Variants in TSHR observed in about 807,000 individuals in gnomAD.
TSHR encodes thyrotropin receptor.
TSHR carries 51 observed loss-of-function variants against 64.1 expected under a neutral mutation model. The ratio of observed to expected loss-of-function variants is 0.80; its 90% CI spans 0.64 to 1.01. The LOEUF is 1.01. TSHR is among the 50% of genes least tolerant of loss of function. The probability of loss-of-function intolerance (pLI) is 0.00; values close to 1 mark genes in which losing one functional copy is unlikely to be tolerated. For synonymous variants in TSHR, 361 were observed against 361.9 expected (o/e 1.00, Z 0.03); for missense variants, 877 against 942.8 (o/e 0.93, Z 0.91).
chr14:81,045,335 A>G (rs1211743742), intron 1 of TSHR, among the ~76,000 whole-genome samples: 1 of 152,200 alleles, frequency 6.6e-6, no homozygotes, highest in Non-Finnish European at 1.5e-5. Flanking sequence ...TTCTTTATAC[A>G]TTTGGTAGAA....
At chr14:80,965,084 C>G (rs1182761871) in intron 1 of TSHR, among the ~76,000 whole-genome samples, 1 of 152,166 alleles carries the variant, frequency 6.6e-6, no homozygotes, top group Admixed American at 6.5e-5. Context: ...CTTCCACAGC[C>G]CTTTGTATTT....
At chr14:81,115,403 T>C (rs1364227988) in intron 8 of TSHR, among the ~76,000 whole-genome samples, 1 of 144,158 alleles carries the variant, frequency 6.9e-6, no homozygotes, top group African/African-American at 2.7e-5. Flanking sequence ...CAGGAGCCGA[T>C]GTGATCAACT....
intron 8 of TSHR, among the ~76,000 whole-genome samples, chr14:81,134,825 A>T (rs1006813213): frequency 6.6e-6 from 1 of 152,214 alleles, no homozygotes; most frequent in Non-Finnish European, 1.5e-5. Flanking sequence ...GTGAAGAACA[A>T]AGGTCTTCAG....
intron 7 of TSHR, chr14:81,106,953 A>AG: frequency 6.6e-6 from 1 of 152,132 alleles, no homozygotes; most frequent in Non-Finnish European, 1.5e-5. Context: ...AAAAAAAAAA[A>AG]AAGAAGAAGA....
intron 1 of TSHR, among the ~76,000 whole-genome samples, chr14:81,011,613 A>G (rs183931474): frequency 3.9e-5 from 6 of 152,128 alleles, no homozygotes; most frequent in Admixed American, 3.9e-4. Flanking sequence ...GTTTTTTCAA[A>G]CCAGTTTTTA....
chr14:80,966,359 G>C (rs986076246), intron 1 of TSHR, among the ~76,000 whole-genome samples: 3 of 152,048 alleles, frequency 2.0e-5, no homozygotes, highest in African/African-American at 7.2e-5. Context: ...CAACACCCTT[G>C]GCAGTTATTT....
At chr14:81,033,795 C>A (rs534641314) in intron 1 of TSHR, among the ~76,000 whole-genome samples, 1 of 152,172 alleles carries the variant, frequency 6.6e-6, no homozygotes, top group South Asian at 2.1e-4. Flanking sequence ...ACTTAAAATT[C>A]TAATTTAGGT....
intron 1 of TSHR, among the ~76,000 whole-genome samples, chr14:81,034,190 T>C (rs1884506314): frequency 5.9e-5 from 9 of 152,378 alleles, no homozygotes; most frequent in Admixed American, 3.9e-4. Flanking sequence ...TGCTCTAGCC[T>C]TGGTCATCCA....
At chr14:81,132,382 A>G (rs1891283625) in intron 8 of TSHR, among the ~76,000 whole-genome samples, 1 of 152,238 alleles carries the variant, frequency 6.6e-6, no homozygotes, top group South Asian at 2.1e-4. Context: ...TCAAAAAATA[A>G]AAATAGTTCC....
intron 3 of TSHR, among the ~76,000 whole-genome samples, chr14:81,072,034 T>G (rs1216454974): frequency 6.6e-6 from 1 of 152,236 alleles, no homozygotes; most frequent in Non-Finnish European, 1.5e-5. Context: ...GAGCAAGAGA[T>G]GCCCAGTGAG....
rs184831253 is a variant in TSHR at position 81,074,586 on chromosome 14, T to C, written c.317+6258T>C. On this transcript the variant is annotated intron_variant, in intron 3 of 9. Coordinates refer to ENST00000298171, the MANE Select transcript of TSHR (RefSeq NM_000369.5). ...GTTCCTGGGATTCCTCAGTATAGAATTAAAGCCCTCTGATTTGTTTAGGAA... is the reference window on the plus strand; with the variant it reads ...GTTCCTGGGATTCCTCAGTATAGAACTAAAGCCCTCTGATTTGTTTAGGAA... 8.5e-5 allele frequency among the ~76,000 whole-genome samples: 13 copies of C among 152,304 alleles called. No homozygotes were observed. The East Asian group carries it at 2.3e-3, about 27-fold the overall frequency.
intron 8 of TSHR, chr14:81,108,755 A>C (rs1005944377): frequency 6.2e-7 from 1 of 1,608,776 alleles, no homozygotes. Flanking sequence ...TGTTTGAAAA[A>C]TTTTGAAATG....
chr14:81,026,360 A>G (rs1884052690), intron 1 of TSHR, among the ~76,000 whole-genome samples: 1 of 152,244 alleles, frequency 6.6e-6, no homozygotes, highest in Non-Finnish European at 1.5e-5. Flanking sequence ...GTGTGTGTAT[A>G]TGCACACGCA....
At chr14:80,975,118 C>T (rs985618086) in intron 1 of TSHR, among the ~76,000 whole-genome samples, 5 of 152,192 alleles carry the variant, frequency 3.3e-5, no homozygotes, top group African/African-American at 7.2e-5. Context: ...CATCATTGTT[C>T]AAATGTTCAT....
At chr14:81,039,914 A>G (rs552683957) in intron 1 of TSHR, among the ~76,000 whole-genome samples, 10 of 152,228 alleles carry the variant, frequency 6.6e-5, no homozygotes, top group South Asian at 2.1e-4. Context: ...TACAGATTCA[A>G]TGAAATCCTT....
At chr14:80,959,274 G>C (rs187083658) in intron 1 of TSHR, among the ~76,000 whole-genome samples, 1 of 152,142 alleles carries the variant, frequency 6.6e-6, no homozygotes, top group Non-Finnish European at 1.5e-5. Context: ...TGTGTAGGTA[G>C]TTTGAAAAAA....
At chr14:81,142,116 C>T (rs974486172) in intron 9 of TSHR, among the ~76,000 whole-genome samples, 3 of 152,094 alleles carry the variant, frequency 2.0e-5, no homozygotes, top group Admixed American at 6.5e-5. Context: ...CTCACTCTGT[C>T]GCCACTCAGC....
intron 8 of TSHR, among the ~76,000 whole-genome samples, chr14:81,122,901 G>A (rs1890864893): frequency 1.3e-5 from 2 of 152,110 alleles, no homozygotes; most frequent in South Asian, 2.1e-4. Flanking sequence ...GAGGCGGTGT[G>A]GATCACTTGA....
At chr14:81,066,177 C>G (rs533497105) in intron 2 of TSHR, among the ~76,000 whole-genome samples, 1 of 152,054 alleles carries the variant, frequency 6.6e-6, no homozygotes, top group Non-Finnish European at 1.5e-5. Context: ...TAATATGGGC[C>G]GAGTGACTAT....
Sources: allele counts gnomAD v4.1 joint callset (sites outside exome capture counted in the v4.1 genomes callset), GRCh38; gene constraint gnomAD v4.1.1; transcripts MANE v1.5; gene names NCBI Gene and HGNC (gene_info 2026-07-23, HGNC 2026-07-21).